Variants in GTF3C3 observed in about 807,000 individuals in gnomAD.
GTF3C3 encodes general transcription factor 3C polypeptide 3.
GTF3C3 carries 75 observed loss-of-function variants against 105.2 expected under a neutral mutation model. That is an observed-to-expected ratio of 0.71 (90% confidence interval 0.59 to 0.86). The LOEUF (loss-of-function observed/expected upper bound fraction) is 0.86, where lower values mean the gene tolerates loss of function less well. Ranked by LOEUF, GTF3C3 falls within the 40% of genes least tolerant of loss-of-function variation. The pLI is 0.00. For synonymous variants in GTF3C3, 335 were observed against 370.4 expected (o/e 0.90, Z 1.10); for missense variants, 856 against 1,076.5 (o/e 0.80, Z 2.87).
chr2:196,773,717 A>T (rs1211561851), intron 13 of GTF3C3: 1 of 426,262 alleles, frequency 2.3e-6, no homozygotes, highest in African/African-American at 2.0e-5. Context: ...CTGCAACTAG[A>T]CAGTACCATC....
chr2:196,775,294 GT>G (rs776277323), intron 12 of GTF3C3, 43 bp from the exon 13 acceptor site: 9 of 1,546,596 alleles, frequency 5.8e-6, no homozygotes, highest in Non-Finnish European at 7.9e-6. Context: ...AACAATAACT[GT>G]TTTGTTTAGA....
rs1022522275 is a variant in GTF3C3 at position 196,776,312 on chromosome 2, T to C, written c.1593+115A>G. On this transcript the variant is annotated intron_variant, in intron 11 of 17. Coordinates refer to ENST00000263956, the MANE Select transcript of GTF3C3 (RefSeq NM_012086.5). This position sits in a 1 kb window ranked among gnomAD's most constrained non-coding sequence, Gnocchi z 4.5. ...ATACTTAAAATCATTTTTCAAAAAC[T>C]TGAATACACTAAAATAAAATTTTGG... 1.1e-6 allele frequency: 1 copy of C among 892,180 alleles called. No homozygotes were observed. Among genetic ancestry groups the C allele is most frequent in the Non-Finnish European group, 1.7e-6 (1 of 577,578 alleles). 55.3% of individuals were successfully genotyped at this position (892,180 alleles called of 1,614,324 possible).
chr2:196,785,018 C>T, intron 7 of GTF3C3, 89 bp from the exon 8 acceptor site: 11 of 837,738 alleles, frequency 1.3e-5, no homozygotes, highest in Non-Finnish European at 1.9e-5. Flanking sequence ...TTCAAATAAT[C>T]CCTAATATAA....
rs1699581488 is a variant in GTF3C3, at chr2:196,793,139, A to G, written c.228T>C (p.Asp76=). 1 of 1,605,526 alleles carries G rather than the reference A, an allele frequency of 6.2e-7. No individual in the cohort carries two copies. The highest frequency in any genetic ancestry group is 1.7e-5 in the Admixed American group (1 of 59,190). ...DKDVNEGETS[D]GVRKSVHKVF... Reference sequence around the variant, plus strand: ...CCTTGTGAACTGACTTCCTCACTCCATCTGATGTTTCTCCTGAGAAAAGAG... The same window carrying G: ...CCTTGTGAACTGACTTCCTCACTCCGTCTGATGTTTCTCCTGAGAAAAGAG... Residue 76 remains aspartate, a synonymous_variant, in exon 3 of 18, where the codon GAT becomes GAC. Coordinates refer to ENST00000263956, the MANE Select transcript of GTF3C3 (RefSeq NM_012086.5).
chr2:196,788,857 G>A (rs1699497558), intron 6 of GTF3C3, among the ~76,000 whole-genome samples: 1 of 152,066 alleles, frequency 6.6e-6, no homozygotes, highest in Admixed American at 6.5e-5. Context: ...TTGAGGTCAG[G>A]AGTTCGAGAC....
rs757214119 is a variant in GTF3C3 at position 196,789,212 on chromosome 2, A to C, written c.885T>G (p.Asp295Glu). 4.4e-6 allele frequency: 7 copies of C among 1,600,468 alleles called. No individual in the cohort carries two copies. Among genetic ancestry groups the C allele is most frequent in the Non-Finnish European group, 6.0e-6 (7 of 1,175,222 alleles). ...TTTCACTCCAAACTTACTTTGCCATATCTCTAGCCAGCTGCATAAAACGTT... is the reference window on the plus strand; with the variant it reads ...TTTCACTCCAAACTTACTTTGCCATCTCTCTAGCCAGCTGCATAAAACGTT... ...DGERFMQLAR[D>E]MAKSYYEAND... Residue 295 changes from aspartate to glutamate, a missense_variant, in exon 6 of 18, where the codon GAT becomes GAG. Physicochemically the swap from Asp to Glu is conservative, Grantham distance 45. Around this residue, in one of 3 missense-constraint regions of GTF3C3, gnomAD observed 605 missense variants for 833.6 expected, o/e 0.73. Coordinates refer to ENST00000263956, the MANE Select transcript of GTF3C3 (RefSeq NM_012086.5).
intron 7 of GTF3C3, 107 bp downstream of exon 7, chr2:196,785,334 A>C: frequency 1.3e-6 from 1 of 755,924 alleles, no homozygotes; most frequent in Non-Finnish European, 2.1e-6. Context: ...TATAGACTTT[A>C]AATATATACA....
At position 196,789,218 on chromosome 2, in the gene GTF3C3, A is replaced by C; in HGVS notation, c.879T>G (p.Ala293=). The C allele has an allele frequency of 6.2e-7, 1 of 1,608,270 alleles. No individual in the cohort carries two copies. Among genetic ancestry groups the C allele is most frequent in the East Asian group, 2.2e-5 (1 of 44,838 alleles). ...PSDGERFMQL[A]RDMAKSYYEA... is the part of the protein sequence containing the mutation. ...TCCAAACTTACTTTGCCATATCTCTAGCCAGCTGCATAAAACGTTCGCCAT... is the reference window on the plus strand; with the variant it reads ...TCCAAACTTACTTTGCCATATCTCTCGCCAGCTGCATAAAACGTTCGCCAT... Residue 293 remains alanine, a synonymous_variant, in exon 6 of 18, where the codon GCT becomes GCG. Coordinates refer to ENST00000263956, the MANE Select transcript of GTF3C3 (RefSeq NM_012086.5).
At chr2:196,778,817 T>A (rs1443632405) in intron 10 of GTF3C3, 79 bp downstream of exon 10, 2 of 1,285,130 alleles carry the variant, frequency 1.6e-6, no homozygotes, top group South Asian at 2.4e-5. Context: ...TGCACTATAA[T>A]AATTATTACC....
intron 12 of GTF3C3, 116 bp downstream of exon 12, chr2:196,775,893 TA>T: frequency 2.0e-6 from 1 of 510,956 alleles, no homozygotes; most frequent in Non-Finnish European, 3.4e-6. Context: ...CTTTCATTTT[TA>T]AAAGTTTGAG....
chr2:196,797,006 TTC>T (rs1231582832), intron 2 of GTF3C3, among the ~76,000 whole-genome samples: 2 of 152,214 alleles, frequency 1.3e-5, no homozygotes, highest in Non-Finnish European at 2.9e-5. Context: ...TGACTGTCTG[TTC>T]TCTGTGTAAA....
chr2:196,772,903 A>T lies in GTF3C3; in HGVS notation c.2069+13T>A. The T allele has an allele frequency of 8.1e-7, 1 of 1,230,040 alleles. No individual in the cohort carries two copies. The highest frequency in any genetic ancestry group is 1.1e-6 in the Non-Finnish European group (1 of 871,056). The allele number at this position is 1,230,040 out of a possible 1,614,324, so 76.2% of individuals were successfully genotyped here. A position where few individuals can be genotyped will look rare whatever the true frequency, so the allele number is the denominator to read the frequency against. Reference sequence around the variant, plus strand: ...TTAAAGAATCTAATTAAAATAAATAACTGGGAAATCACCTGATATAGTTGT... The same window carrying T: ...TTAAAGAATCTAATTAAAATAAATATCTGGGAAATCACCTGATATAGTTGT... On this transcript the variant is annotated intron_variant, in intron 14 of 17. Coordinates refer to ENST00000263956, the MANE Select transcript of GTF3C3 (RefSeq NM_012086.5).
rs1699242995 is a variant in GTF3C3, at chr2:196,775,346, C to T, written c.1696-95G>A. ...TGTTGGCTCAGGCTGGATTTGAACT[C>T]CTAAGCTCAAGTGATCCTCTCACCT... On this transcript the variant is annotated intron_variant, in intron 12 of 17. Coordinates refer to ENST00000263956, the MANE Select transcript of GTF3C3 (RefSeq NM_012086.5). 39 of 1,144,944 alleles carry T rather than the reference C, an allele frequency of 3.4e-5. No individual in the cohort carries two copies. In the South Asian group the frequency reaches 6.3e-4, roughly 19 times the overall value. 70.9% of individuals were successfully genotyped at this position (1,144,944 alleles called of 1,614,324 possible).
Position 196,776,853 on chromosome 2 carries a change from T to C in GTF3C3, c.1391-224A>G, listed in dbSNP as rs563369372. On this transcript the variant is annotated intron_variant, in intron 10 of 17. Coordinates refer to ENST00000263956, the MANE Select transcript of GTF3C3 (RefSeq NM_012086.5). This position sits in a 1 kb window ranked among gnomAD's most constrained non-coding sequence, Gnocchi z 4.5. ...AGTGTATACATATAATTTAGGGTTCTGCTTTATTCATTGAGCATTACATTT... is the reference window on the plus strand; with the variant it reads ...AGTGTATACATATAATTTAGGGTTCCGCTTTATTCATTGAGCATTACATTT... 1.7e-4 allele frequency among the ~76,000 whole-genome samples: 26 copies of C among 152,368 alleles called. 2 individuals are homozygous for C. In the South Asian group the frequency reaches 3.7e-3, roughly 22 times the overall value.
chr2:196,781,651 G>A (rs1699365719), intron 8 of GTF3C3, among the ~76,000 whole-genome samples: 1 of 151,822 alleles, frequency 6.6e-6, no homozygotes, highest in African/African-American at 2.4e-5. Flanking sequence ...ACTGAGGGGA[G>A]ACTATATTGC....
At chr2:196,787,508 C>T (rs186429204) in intron 6 of GTF3C3, among the ~76,000 whole-genome samples, 1 of 152,266 alleles carries the variant, frequency 6.6e-6, no homozygotes, top group Admixed American at 6.5e-5. Flanking sequence ...CTTCCTGTTT[C>T]CTTTACCTGT....
Position 196,779,080 on chromosome 2 carries a change from T to G in GTF3C3, c.1219-13A>C, listed in dbSNP as rs750592142. ...TTGTCAAGAGAGGCTAGACCACAAA[T>G]AAAAGCCCCAAGTTAAACATTCATT... On this transcript the variant is annotated splice_polypyrimidine_tract_variant and intron_variant, in intron 9 of 17. Transcript: ENST00000263956. 9 of 1,603,088 alleles carry G rather than the reference T, an allele frequency of 5.6e-6. No individual in the cohort carries two copies. The South Asian group carries it at 9.9e-5, about 18-fold the overall frequency.
chr2:196,796,765 G>A (rs1056001660), intron 2 of GTF3C3, among the ~76,000 whole-genome samples: 4 of 152,128 alleles, frequency 2.6e-5, no homozygotes, highest in African/African-American at 9.7e-5. Flanking sequence ...GAGAACATGC[G>A]GTGTTTGGTC....
At chr2:196,765,973 G>GC (rs1175881047) in intron 17 of GTF3C3, among the ~76,000 whole-genome samples, 1 of 130,260 alleles carries the variant, frequency 7.7e-6, no homozygotes, top group African/African-American at 2.8e-5. Flanking sequence ...TCGTGCCACT[G>GC]CACTCCAGCC....
Sources: allele counts gnomAD v4.1 joint callset (sites outside exome capture counted in the v4.1 genomes callset), GRCh38; gene constraint gnomAD v4.1.1; regional missense constraint gnomAD v4.1.1; non-coding constraint Gnocchi (gnomAD v3.1); transcripts MANE v1.5; gene names NCBI Gene and HGNC (gene_info 2026-07-23, HGNC 2026-07-21).